FOXP2: variants seen among roughly 807,000 people sequenced by gnomAD.
FOXP2 encodes the protein forkhead box protein P2.
FOXP2 carries 12 observed loss-of-function variants against 115.8 expected under a neutral mutation model. The ratio of observed to expected loss-of-function variants is 0.10; its 90% confidence interval spans 0.07 to 0.17. The LOEUF is 0.17. FOXP2 is among the 10% of genes least tolerant of loss of function. The pLI, the probability that FOXP2 is intolerant of heterozygous loss-of-function variation, is 1.00. For synonymous variants in FOXP2, 328 were observed against 297.7 expected (o/e 1.10, Z -1.05); for missense variants, 629 against 843.5 (o/e 0.75, Z 3.15).
chr7:114,337,778 A>C (rs549526768), intron 2 of FOXP2, among the ~76,000 whole-genome samples: 1 of 151,334 alleles, frequency 6.6e-6, no homozygotes, highest in Non-Finnish European at 1.5e-5. Context: ...ATCATACAAA[A>C]GTAATTGGGG....
chr7:114,273,523 G>A (rs1796115924), intron 1 of FOXP2, among the ~76,000 whole-genome samples: 1 of 151,978 alleles, frequency 6.6e-6, no homozygotes. Context: ...TGATAGATCT[G>A]CCCATTTTTG....
intron 5 of FOXP2, 96 bp downstream of exon 5, chr7:114,630,101 C>G: frequency 6.3e-7 from 1 of 1,593,682 alleles, no homozygotes; most frequent in Non-Finnish European, 8.5e-7. Flanking sequence ...TAACAAGGCT[C>G]TTGCTGTCAA....
At chr7:114,166,861 A>G (rs1452397311) in intron 1 of FOXP2, among the ~76,000 whole-genome samples, 1 of 152,242 alleles carries the variant, frequency 6.6e-6, no homozygotes, top group Non-Finnish European at 1.5e-5. Context: ...TTGCAAATTA[A>G]AACATTGAGG....
intron 2 of FOXP2, among the ~76,000 whole-genome samples, chr7:114,361,158 T>C (rs1042070860): frequency 6.6e-6 from 1 of 152,110 alleles, no homozygotes; most frequent in Non-Finnish European, 1.5e-5. Context: ...GAAATATGAA[T>C]AAACATTAGG....
intron 2 of FOXP2, among the ~76,000 whole-genome samples, chr7:114,326,790 C>A (rs1421722978): frequency 6.6e-6 from 1 of 152,110 alleles, no homozygotes; most frequent in African/African-American, 2.4e-5. Flanking sequence ...ACAGGTAAAA[C>A]TTGAGGAAAT....
At chr7:114,509,590 G>A (rs541907351) in intron 2 of FOXP2, among the ~76,000 whole-genome samples, 8 of 149,252 alleles carry the variant, frequency 5.4e-5, no homozygotes, top group Admixed American at 2.7e-4. Flanking sequence ...AAGGATGATC[G>A]CAACATTTGT....
At position 114,566,378 on chromosome 7, in the gene FOXP2, G is replaced by A. The variant is rs571807740; in HGVS notation, c.258+31672G>A. On this transcript the variant is annotated intron_variant, in intron 3 of 16. Transcript: ENST00000350908. ...GTGGGGCCTCACGGGAGGTGTTTGGGTCATGAGAGTGGATTCCTCATGAAT... is the reference window on the plus strand; with the variant it reads ...GTGGGGCCTCACGGGAGGTGTTTGGATCATGAGAGTGGATTCCTCATGAAT... 2.0e-5 allele frequency among the ~76,000 whole-genome samples: 3 copies of A among 152,172 alleles called. No homozygotes were observed. In the South Asian group the frequency reaches 6.2e-4, roughly 32 times the overall value.
intron 2 of FOXP2, among the ~76,000 whole-genome samples, chr7:114,398,755 G>C (rs1489542998): frequency 6.6e-6 from 1 of 152,214 alleles, no homozygotes; most frequent in African/African-American, 2.4e-5. Context: ...AGGAGTAATA[G>C]TGTAGGACTC....
chr7:114,317,898 G>A (rs2690829), intron 2 of FOXP2, among the ~76,000 whole-genome samples: 145,979 of 152,130 alleles, frequency 0.96, 70,207 homozygotes, highest in East Asian at 1. Context: ...CTCCCACCTC[G>A]GGGCCTTTGC....
chr7:114,276,867 A>G (rs980091963), intron 1 of FOXP2, among the ~76,000 whole-genome samples: 4 of 152,190 alleles, frequency 2.6e-5, no homozygotes, highest in African/African-American at 9.7e-5. Context: ...TGGAATTAGA[A>G]ACCAGAAGTC....
At chr7:114,336,224 A>G (rs1054062499) in intron 2 of FOXP2, among the ~76,000 whole-genome samples, 2 of 150,794 alleles carry the variant, frequency 1.3e-5, no homozygotes, top group Non-Finnish European at 3.0e-5. Flanking sequence ...CTTTTAATTC[A>G]TCTGTGAACT....
At chr7:114,382,327 C>A (rs1792326353) in intron 2 of FOXP2, among the ~76,000 whole-genome samples, 2 of 152,206 alleles carry the variant, frequency 1.3e-5, no homozygotes, top group Non-Finnish European at 2.9e-5. Context: ...TTGCCCCGGG[C>A]ACCCTCAGTC....
chr7:114,532,300 A>G (rs1799178679), intron 2 of FOXP2, among the ~76,000 whole-genome samples: 1 of 151,948 alleles, frequency 6.6e-6, no homozygotes, highest in Non-Finnish European at 1.5e-5. Context: ...CTATTCGTTT[A>G]CAGATTCAAA....
chr7:114,416,921 A>T (rs1793374558), intron 1 of FOXP2, among the ~76,000 whole-genome samples: 1 of 151,928 alleles, frequency 6.6e-6, no homozygotes, highest in African/African-American at 2.4e-5. Context: ...AACCCATGTA[A>T]AATTTCACAG....
At chr7:114,252,900 G>T (rs1280030118) in intron 1 of FOXP2, among the ~76,000 whole-genome samples, 3 of 152,084 alleles carry the variant, frequency 2.0e-5, no homozygotes, top group Non-Finnish European at 2.9e-5. Flanking sequence ...GTCAATTTTA[G>T]ATCTTTCCTG....
At position 114,339,777 on chromosome 7, in the gene FOXP2, T is replaced by C. The variant is rs553911745; in HGVS notation, c.-11+51668T>C. Among the ~76,000 whole-genome samples, 195 of 151,314 alleles carry C rather than the reference T, an allele frequency of 1.3e-3. 1 individual carries two copies. Among genetic ancestry groups the C allele is most frequent in the African/African-American group, 4.5e-3 (185 of 41,488 alleles). Reference sequence around the variant, plus strand: ...GTGTTAAAAGCATCCAATTTCCCCTTTTTTTGGAATCTGTTGCTCTTTTAA... The same window carrying C: ...GTGTTAAAAGCATCCAATTTCCCCTCTTTTTGGAATCTGTTGCTCTTTTAA... On this transcript the variant is annotated intron_variant, in intron 2 of 17. Transcript: ENST00000634411.
At chr7:114,599,587 T>G (rs1010855834) in intron 3 of FOXP2, among the ~76,000 whole-genome samples, 15 of 152,132 alleles carry the variant, frequency 9.9e-5, no homozygotes, top group Non-Finnish European at 1.8e-4. Flanking sequence ...CCTAAAATAT[T>G]AAATTAAGTA....
At chr7:114,607,611 TAGAG>T (rs1236779735) in intron 3 of FOXP2, among the ~76,000 whole-genome samples, 1 of 152,106 alleles carries the variant, frequency 6.6e-6, no homozygotes, top group Non-Finnish European at 1.5e-5. Flanking sequence ...AACTCCCTAA[TAGAG>T]GGGAGAAATT....
chr7:114,298,017 A>G (rs1796786130), intron 2 of FOXP2, among the ~76,000 whole-genome samples: 2 of 152,184 alleles, frequency 1.3e-5, no homozygotes, highest in Non-Finnish European at 1.5e-5. Context: ...ATCTAGAAGT[A>G]CATCTTATTT....
Sources: gnomAD v4.1 joint callset for allele counts (sites outside exome capture counted in the v4.1 genomes callset) on GRCh38, gnomAD v4.1.1 for gene constraint, MANE v1.5 for transcripts, NCBI Gene and HGNC (gene_info 2026-07-23, HGNC 2026-07-21) for gene names.